KLHL29: variants seen among roughly 807,000 people sequenced by gnomAD.
KLHL29 encodes the protein kelch-like protein 29.
Under a neutral mutation model 80.4 loss-of-function variants are expected in KLHL29, and 21 were observed. That is an observed-to-expected ratio of 0.26 (90% CI 0.19 to 0.38). The LOEUF is 0.38. KLHL29 is among the 10% of genes least tolerant of loss of function. The probability of loss-of-function intolerance (pLI) is 1.00; values close to 1 mark genes in which losing one functional copy is unlikely to be tolerated. For missense variants in KLHL29, 867 were observed against 1,223.9 expected (o/e 0.71, Z 4.35); for synonymous variants, 511 against 526.8 (o/e 0.97, Z 0.41).
At chr2:23,580,254 C>A (rs1247152985) in intron 3 of KLHL29, among the ~76,000 whole-genome samples, 1 of 151,956 alleles carries the variant, frequency 6.6e-6, no homozygotes, top group Non-Finnish European at 1.5e-5. Flanking sequence ...CGCCTGTAGT[C>A]CCAGCTACTC....
chr2:23,708,199 G>A lies in KLHL29; in HGVS notation c.*1535G>A, dbSNP rs1301499792. 6.6e-6 allele frequency: 1 copy of A among 152,188 alleles called. No homozygotes were observed. Among genetic ancestry groups the A allele is most frequent in the East Asian group, 1.9e-4 (1 of 5,196 alleles). The allele number at this position is 152,188 out of a possible 1,614,324, so 9.4% of individuals were successfully genotyped here. A position where few individuals can be genotyped will look rare whatever the true frequency, so the allele number is the denominator to read the frequency against. ...ATCAACTTCTAGCACTACGAGTGTG[G>A]CTCCCACTTGGACAAGATACCGAGC... On this transcript the variant is annotated 3_prime_UTR_variant, in exon 14 of 14. Coordinates refer to ENST00000486442, the MANE Select transcript of KLHL29 (RefSeq NM_052920.2).
rs571892730 is a variant in KLHL29 at position 23,537,127 on chromosome 2, T to C, written c.-45-25025T>C. On this transcript the variant is annotated intron_variant, in intron 2 of 13. Coordinates refer to ENST00000486442, the MANE Select transcript of KLHL29 (RefSeq NM_052920.2). The stretch of plus-strand genomic sequence containing the variant: ...CTTTCTTGCAGTCTGACTTTCTGTC[T>C]CTGAATTTGCATTTGTCCTGAGTTC... Among the ~76,000 whole-genome samples the C allele has an allele frequency of 5.3e-5, 8 of 152,254 alleles. No homozygotes were observed. In the East Asian group the frequency reaches 1.5e-3, roughly 29 times the overall value.
chr2:23,663,614 G>C (rs1323871559), intron 5 of KLHL29, among the ~76,000 whole-genome samples: 1 of 152,246 alleles, frequency 6.6e-6, no homozygotes, highest in East Asian at 1.9e-4. Flanking sequence ...ATGGGCTTTT[G>C]ATTTCCGGAG....
At chr2:23,636,801 C>T (rs1669622887) in intron 3 of KLHL29, among the ~76,000 whole-genome samples, 1 of 152,158 alleles carries the variant, frequency 6.6e-6, no homozygotes, top group East Asian at 1.9e-4. Context: ...GAAACTCCAC[C>T]AATTTTAGGG....
At chr2:23,633,774 T>TG (rs1439489168) in intron 3 of KLHL29, among the ~76,000 whole-genome samples, 2 of 151,824 alleles carry the variant, frequency 1.3e-5, no homozygotes, top group East Asian at 3.9e-4. Context: ...TGTGTGTGTG[T>TG]GTGTGTGTGT....
intron 6 of KLHL29, chr2:23,690,745 T>C (rs946599175): frequency 6.6e-6 from 1 of 152,288 alleles, no homozygotes; most frequent in Non-Finnish European, 1.5e-5. Context: ...AGTGTCACTC[T>C]TGCTTCATCT....
At chr2:23,390,394 C>T (rs902356852) in intron 1 of KLHL29, among the ~76,000 whole-genome samples, 34 of 152,200 alleles carry the variant, frequency 2.2e-4, no homozygotes, top group Admixed American at 4.6e-4. Flanking sequence ...ATCTAGCGTG[C>T]GCAAAGACGA....
At chr2:23,631,136 C>A (rs1225646281) in intron 3 of KLHL29, among the ~76,000 whole-genome samples, 1 of 151,926 alleles carries the variant, frequency 6.6e-6, no homozygotes, top group Non-Finnish European at 1.5e-5. Context: ...TAGCTCCCAG[C>A]CCAGCACATG....
intron 2 of KLHL29, among the ~76,000 whole-genome samples, chr2:23,491,407 G>A (rs1665098524): frequency 6.6e-6 from 1 of 152,146 alleles, no homozygotes; most frequent in African/African-American, 2.4e-5. Flanking sequence ...GCTTTCTCCT[G>A]CTTGGGAAAA....
At chr2:23,683,278 C>G (rs1671143150) in intron 5 of KLHL29, among the ~76,000 whole-genome samples, 1 of 152,220 alleles carries the variant, frequency 6.6e-6, no homozygotes, top group Non-Finnish European at 1.5e-5. Flanking sequence ...ACACACCTGC[C>G]AAGGGAAATC....
intron 1 of KLHL29, among the ~76,000 whole-genome samples, chr2:23,465,813 C>T (rs1323746080): frequency 1.3e-5 from 2 of 152,176 alleles, no homozygotes; most frequent in Non-Finnish European, 2.9e-5. Flanking sequence ...CGTCCTACTC[C>T]CTCTGGCCCA....
intron 2 of KLHL29, among the ~76,000 whole-genome samples, chr2:23,492,324 A>G (rs1665127579): frequency 6.6e-6 from 1 of 152,222 alleles, no homozygotes; most frequent in African/African-American, 2.4e-5. Context: ...CCTCTAGTGC[A>G]GAAGGGGAAA....
chr2:23,398,530 GT>G (rs796135671), intron 1 of KLHL29, among the ~76,000 whole-genome samples: 64 of 152,348 alleles, frequency 4.2e-4, no homozygotes, highest in African/African-American at 1.4e-3. Flanking sequence ...GAGATAGATG[GT>G]GGAGAAGGTT....
intron 2 of KLHL29, among the ~76,000 whole-genome samples, chr2:23,546,657 G>C (rs539781233): frequency 6.6e-6 from 1 of 152,106 alleles, no homozygotes; most frequent in Non-Finnish European, 1.5e-5. Flanking sequence ...CCCCTCTCCC[G>C]GGGAGGAGCT....
At chr2:23,492,347 G>A (rs1006393964) in intron 2 of KLHL29, among the ~76,000 whole-genome samples, 2 of 152,164 alleles carry the variant, frequency 1.3e-5, no homozygotes, top group Admixed American at 6.5e-5. Flanking sequence ...AACCTGTGAG[G>A]GCCTGATCTG....
At chr2:23,620,871 C>T (rs1257989404) in intron 3 of KLHL29, among the ~76,000 whole-genome samples, 4 of 152,224 alleles carry the variant, frequency 2.6e-5, no homozygotes, top group African/African-American at 7.2e-5. Context: ...TGTGTGCTGC[C>T]GCGATGGGAA....
intron 1 of KLHL29, among the ~76,000 whole-genome samples, chr2:23,418,225 A>G (rs534922205): frequency 5.4e-4 from 82 of 152,124 alleles, no homozygotes; most frequent in African/African-American, 1.7e-3. Context: ...TCCCCACCCC[A>G]TCCTACCTGG....
intron 1 of KLHL29, among the ~76,000 whole-genome samples, chr2:23,388,412 C>T (rs1239459850): frequency 6.6e-6 from 1 of 152,168 alleles, no homozygotes; most frequent in Non-Finnish European, 1.5e-5. Context: ...CCAAAGGAAC[C>T]TCTAAATCCA....
chr2:23,511,785 C>T (rs1254977417), intron 2 of KLHL29, among the ~76,000 whole-genome samples: 4 of 151,764 alleles, frequency 2.6e-5, no homozygotes, highest in Admixed American at 6.6e-5. Context: ...TGTGTCGGTT[C>T]GTGGCTGCAG....
Sources: gnomAD v4.1 joint callset for allele counts (sites outside exome capture counted in the v4.1 genomes callset) on GRCh38, gnomAD v4.1.1 for gene constraint, MANE v1.5 for transcripts, NCBI Gene and HGNC (gene_info 2026-07-23, HGNC 2026-07-21) for gene names.